Variants in GPHN observed in about 807,000 individuals in gnomAD.
GPHN encodes gephyrin.
Under a neutral mutation model 95.5 loss-of-function variants are expected in GPHN, and 17 were observed. That is an observed-to-expected ratio of 0.18 (90% CI 0.12 to 0.27). The LOEUF (loss-of-function observed/expected upper bound fraction) is 0.27. Among genes scored for constraint, GPHN ranks in the 10% least tolerant of loss-of-function variants. GPHN has a pLI of 1.00. For missense variants in GPHN, 660 were observed against 978.1 expected, an observed-to-expected ratio of 0.67 and a Z score of 4.34; for synonymous variants, 320 against 322.5, an observed-to-expected ratio of 0.99 and a Z score of 0.08.
chr14:66,561,729 C>T (rs555671365), intron 1 of GPHN, among the ~76,000 whole-genome samples: 262 of 152,146 alleles, frequency 1.7e-3, no homozygotes, highest in Non-Finnish European at 3.3e-3. Context: ...TTTTAGTTTT[C>T]TATTGTTATA....
chr14:66,788,309 A>C (rs1245044055), intron 3 of GPHN, among the ~76,000 whole-genome samples: 1 of 152,246 alleles, frequency 6.6e-6, no homozygotes, highest in East Asian at 1.9e-4. Flanking sequence ...ACTCCGTCTC[A>C]AAAAAGAGGA....
the GPHN span, among the ~76,000 whole-genome samples, chr14:67,396,143 GTTTT>G: frequency 8.6e-5 from 13 of 151,130 alleles, no homozygotes; most frequent in Non-Finnish European, 5.9e-5. Flanking sequence ...TTTTTGTTTT[GTTTT>G]GTTTTTTGTT....
the GPHN span, among the ~76,000 whole-genome samples, chr14:67,259,455 A>G: frequency 6.6e-6 from 1 of 151,990 alleles, no homozygotes; most frequent in Non-Finnish European, 1.5e-5. Context: ...TACTAAAAAT[A>G]TAAAAAATCA....
At chr14:67,320,353 G>A in the GPHN span, 1 of 1,612,654 alleles carries the variant, frequency 6.2e-7, no homozygotes, top group Non-Finnish European at 8.5e-7. Flanking sequence ...TTGCGTCAGA[G>A]GCTCATGAAC....
chr14:66,523,204 A>G (rs1053956511), intron 1 of GPHN, among the ~76,000 whole-genome samples: 1 of 152,096 alleles, frequency 6.6e-6, no homozygotes, highest in Admixed American at 6.6e-5. Context: ...TGTTACTTCC[A>G]CTGCACAATA....
intron 1 of GPHN, among the ~76,000 whole-genome samples, chr14:66,574,728 T>C (rs1465627775): frequency 6.6e-6 from 1 of 152,176 alleles, no homozygotes; most frequent in African/African-American, 2.4e-5. Flanking sequence ...CTGCTGTCAG[T>C]GTGGGTAGGC....
chr14:67,047,153 T>C (rs1273798676), intron 10 of GPHN, among the ~76,000 whole-genome samples: 1 of 152,014 alleles, frequency 6.6e-6, no homozygotes, highest in Non-Finnish European at 1.5e-5. Flanking sequence ...AAATGAATAA[T>C]GATTTACACT....
At chr14:67,663,385 GT>G in the GPHN span, among the ~76,000 whole-genome samples, 1 of 152,160 alleles carries the variant, frequency 6.6e-6, no homozygotes, top group South Asian at 2.1e-4. Context: ...GAAAATGTAA[GT>G]GACAAGGCTG....
rs112348064 is a variant in GPHN at position 67,093,483 on chromosome 14, C to A, written c.1237+4408C>A. On this transcript the variant is annotated intron_variant, in intron 12 of 22. Coordinates refer to ENST00000478722, the MANE Select transcript of GPHN (RefSeq NM_020806.5). Reference sequence around the variant, plus strand: ...ACTGGTTCTGCAATTCATTTGACAGCCTATTTTGCCCTCTACTATAGGATA... The same window carrying A: ...ACTGGTTCTGCAATTCATTTGACAGACTATTTTGCCCTCTACTATAGGATA... Among the ~76,000 whole-genome samples, 1,449 of 152,068 alleles carry A rather than the reference C, an allele frequency of 9.5e-3. 17 individuals are homozygous for A. Among genetic ancestry groups the A allele is most frequent in the African/African-American group, 0.032 (1,341 of 41,506 alleles).
At chr14:67,134,950 C>CTTA (rs2079966122) in intron 17 of GPHN, among the ~76,000 whole-genome samples, 1 of 49,000 alleles carries the variant, frequency 2.0e-5, no homozygotes, top group East Asian at 4.3e-4. Context: ...TTCTTTCTTT[C>CTTA]TTCTTTTTTT....
At chr14:66,898,902 C>T (rs1044788979) in intron 5 of GPHN, among the ~76,000 whole-genome samples, 1 of 151,708 alleles carries the variant, frequency 6.6e-6, no homozygotes, top group African/African-American at 2.4e-5. Context: ...TCTTTTATTG[C>T]AGTTTTCAGT....
chr14:66,596,533 G>T (rs1218008455), intron 1 of GPHN, among the ~76,000 whole-genome samples: 1 of 152,176 alleles, frequency 6.6e-6, no homozygotes, highest in Admixed American at 6.5e-5. Flanking sequence ...AGTCTGGAGG[G>T]GGCCAAGGCA....
At chr14:66,954,685 C>T (rs536300638) in intron 8 of GPHN, among the ~76,000 whole-genome samples, 107 of 152,272 alleles carry the variant, frequency 7.0e-4, no homozygotes, top group African/African-American at 2.4e-3. Flanking sequence ...CCTGAGTAGA[C>T]ATCCTTTTTC....
chr14:67,554,937 G>A, the GPHN span, among the ~76,000 whole-genome samples: 1 of 152,076 alleles, frequency 6.6e-6, no homozygotes, highest in Non-Finnish European at 1.5e-5. Context: ...TTTTGAGACA[G>A]GACCTTGCTG....
chr14:66,545,823 C>T (rs937375201), intron 1 of GPHN, among the ~76,000 whole-genome samples: 2 of 149,856 alleles, frequency 1.3e-5, no homozygotes, highest in African/African-American at 4.9e-5. Context: ...GGCGGAGGCT[C>T]CCCTCTCCTC....
Position 66,977,363 on chromosome 14 carries a change from G to A in GPHN, c.963+12038G>A, listed in dbSNP as rs548625059. On this transcript the variant is annotated intron_variant, in intron 9 of 22. Coordinates refer to ENST00000478722, the MANE Select transcript of GPHN (RefSeq NM_020806.5). ...GGAGAATCACTTGAACCCGGGAGGC[G>A]GAGGTTGCAGTGAGCCAAGATCGCG... Among the ~76,000 whole-genome samples, 79 of 151,994 alleles carry A rather than the reference G, an allele frequency of 5.2e-4. 1 individual carries two copies. The Middle Eastern group carries it at 0.02, about 39-fold the overall frequency.
At chr14:66,682,294 T>C (rs1392272567) in intron 2 of GPHN, among the ~76,000 whole-genome samples, 1 of 152,214 alleles carries the variant, frequency 6.6e-6, no homozygotes, top group Non-Finnish European at 1.5e-5. Flanking sequence ...TTGACAGTTG[T>C]CCTTTGAGTC....
intron 18 of GPHN, 63 bp downstream of exon 18, chr14:67,143,512 C>A: frequency 9.6e-7 from 1 of 1,036,682 alleles, no homozygotes; most frequent in Non-Finnish European, 1.5e-6. Context: ...GGTCGATTAA[C>A]TGTGGTCTGG....
At chr14:67,623,196 T>C in the GPHN span, among the ~76,000 whole-genome samples, 1 of 152,236 alleles carries the variant, frequency 6.6e-6, no homozygotes, top group African/African-American at 2.4e-5. Flanking sequence ...AGCAGATTTC[T>C]AGCATGTGGT....
Sources: gnomAD v4.1 joint callset for allele counts (sites outside exome capture counted in the v4.1 genomes callset) on GRCh38, gnomAD v4.1.1 for gene constraint, MANE v1.5 for transcripts, NCBI Gene and HGNC (gene_info 2026-07-23, HGNC 2026-07-21) for gene names.